MFN1: variants seen among roughly 807,000 people sequenced by gnomAD.
MFN1 encodes the protein mitofusin-1.
MFN1 carries 65 observed loss-of-function variants against 92.4 expected under a neutral mutation model. The observed-to-expected ratio is 0.70, with a 90% CI of 0.58 to 0.86. The LOEUF (loss-of-function observed/expected upper bound fraction) is 0.86. MFN1 is among the 40% of genes least tolerant of loss of function. The pLI is 0.00. For synonymous variants in MFN1, 297 were observed against 300.9 expected (o/e 0.99, Z 0.13); for missense variants, 781 against 868.0 (o/e 0.90, Z 1.26).
chr3:179,381,771 T>C (rs1713475664), intron 14 of MFN1, among the ~76,000 whole-genome samples: 2 of 152,244 alleles, frequency 1.3e-5, no homozygotes. Flanking sequence ...GCTATGCATA[T>C]AAGGTATATG....
chr3:179,391,103 G>A lies in MFN1; in HGVS notation c.2148-878G>A, dbSNP rs199851892. 4.0e-5 allele frequency among the ~76,000 whole-genome samples: 6 copies of A among 150,762 alleles called. No individual in the cohort carries two copies. In the East Asian group the frequency reaches 1.2e-3, roughly 29 times the overall value. The stretch of plus-strand genomic sequence containing the variant: ...CTCATCCCATATATACCTTTCAAAT[G>A]TGGTGAAACTGTGCAGTAGAAATTG... On this transcript the variant is annotated intron_variant, in intron 17 of 17. Coordinates refer to ENST00000471841, the MANE Select transcript of MFN1 (RefSeq NM_033540.3).
intron 9 of MFN1, among the ~76,000 whole-genome samples, 191 bp downstream of exon 9, chr3:179,368,294 A>G (rs1712885326): frequency 6.6e-6 from 1 of 152,170 alleles, no homozygotes. Context: ...AGAATTGAGA[A>G]TTAAAGATTG....
At chr3:179,376,925 T>C in intron 10 of MFN1, 117 bp from the exon 11 acceptor site, 1 of 819,478 alleles carries the variant, frequency 1.2e-6, no homozygotes, top group Non-Finnish European at 1.8e-6. Flanking sequence ...ATGTTACAAG[T>C]TTTTTTTTTC....
Position 179,390,212 on chromosome 3 carries a change from A to G in MFN1, c.2147+74A>G, listed in dbSNP as rs1713849548. On this transcript the variant is annotated intron_variant, in intron 17 of 17. Transcript: ENST00000471841. ...ACAAAATATGTAAAATTATTAATGA[A>G]TTTGTATTCATTCCTAATAGCTTTT... is the stretch of plus-strand genomic sequence containing the variant. 3 of 1,193,768 alleles carry G rather than the reference A, an allele frequency of 2.5e-6. No homozygotes were observed. The African/African-American group carries it at 4.8e-5, about 19-fold the overall frequency. 73.9% of individuals were successfully genotyped at this position (1,193,768 alleles called of 1,614,324 possible). A position where few individuals can be genotyped will look rare whatever the true frequency, so the allele number is the denominator to read the frequency against.
rs761253184 is a variant in MFN1, at chr3:179,364,406, G to C, written c.645+1G>C. 6.3e-7 allele frequency: 1 copy of C among 1,590,406 alleles called. No homozygotes were observed. Among genetic ancestry groups the C allele is most frequent in the Non-Finnish European group, 8.6e-7 (1 of 1,158,966 alleles). On this transcript the variant is annotated splice_donor_variant, in intron 6 of 17. Transcript: ENST00000471841. LOFTEE classifies it high-confidence loss of function. ...CTCTGAATCAACACTAATGAATACG[G>C]TAGGATTTAATCATATTATTGTGTT...
chr3:179,386,623 TA>T lies in MFN1; in HGVS notation c.2010del (p.Lys670AsnfsTer4). On this transcript the variant is annotated frameshift_variant, in exon 16 of 18. Transcript: ENST00000471841. LOFTEE classifies it high-confidence loss of function. ...ACGAGTGCAAACTGCAGTCACCAAG[TA>T]AAACAGTAAGTTGGAAGGTGCATCT... is the stretch of plus-strand genomic sequence containing the variant. ...SSTSANCSHQ[V>X]KQQIATTFAR... The T allele has an allele frequency of 1.2e-6, 2 of 1,606,006 alleles. No homozygotes were observed. Among genetic ancestry groups the T allele is most frequent in the Admixed American group, 1.7e-5 (1 of 57,576 alleles).
chr3:179,370,392 C>CTTTTGTTTT (rs1712974954), intron 9 of MFN1, among the ~76,000 whole-genome samples: 1 of 88,068 alleles, frequency 1.1e-5, no homozygotes, highest in Non-Finnish European at 2.1e-5. Flanking sequence ...TCACTAAGTT[C>CTTTTGTTTT]TTTTTTTTTT....
In MFN1 at chr3:179,390,026, C is replaced by T. The variant is rs371868949; in HGVS notation, c.2035C>T (p.Arg679Cys). Reference protein sequence around the residue: ...VKQQIATTFARLCQQVDITQK... With the variant: ...VKQQIATTFACLCQQVDITQK... Reference sequence around the variant, plus strand: ...AAGACAAATAGCTACCACTTTTGCTCGCCTGTGCCAACAAGTTGATATTAC... The same window carrying T: ...AAGACAAATAGCTACCACTTTTGCTTGCCTGTGCCAACAAGTTGATATTAC... Residue 679 changes from arginine to cysteine, a missense_variant, in exon 17 of 18, where the codon CGC (arginine) becomes TGC (cysteine). Physicochemically the swap from Arg to Cys is radical, Grantham distance 180. Transcript: ENST00000471841. 34 of 1,601,912 alleles carry T rather than the reference C, an allele frequency of 2.1e-5. No individual in the cohort carries two copies. The highest frequency in any genetic ancestry group is 2.0e-4 in the African/African-American group (15 of 74,404).
Position 179,362,379 on chromosome 3 carries a change from G to GT in MFN1, c.433_434insT (p.Ala145ValfsTer29), listed in dbSNP as rs1291191721. 1 of 1,611,704 alleles carries GT rather than the reference G, an allele frequency of 6.2e-7. No homozygotes were observed. Among genetic ancestry groups the GT allele is most frequent in the Non-Finnish European group, 8.5e-7 (1 of 1,179,478 alleles). Reference sequence around the variant, plus strand: ...TTAGACAGTTAATCAACTGGCCCATGCCCTTCACATGGACAAAGATTTGAA... The same window carrying GT: ...TTAGACAGTTAATCAACTGGCCCATGTCCCTTCACATGGACAAAGATTTGAA... On this transcript the variant is annotated frameshift_variant, in exon 5 of 18. Coordinates refer to ENST00000471841, the MANE Select transcript of MFN1 (RefSeq NM_033540.3). LOFTEE classifies it high-confidence loss of function.
intron 14 of MFN1, among the ~76,000 whole-genome samples, chr3:179,384,974 C>T (rs139420762): frequency 0.027 from 3,725 of 138,506 alleles, 178 homozygotes; most frequent in African/African-American, 0.095. Flanking sequence ...GGTGCAATCT[C>T]GGCTCACTGC....
intron 9 of MFN1, among the ~76,000 whole-genome samples, chr3:179,374,772 T>G (rs571232492): frequency 2.0e-5 from 3 of 152,210 alleles, no homozygotes; most frequent in Non-Finnish European, 4.4e-5. Context: ...CATTGTATCA[T>G]TCAGCTATTA....
intron 14 of MFN1, among the ~76,000 whole-genome samples, chr3:179,381,174 A>T (rs565641074): frequency 6.6e-6 from 1 of 152,372 alleles, no homozygotes; most frequent in East Asian, 1.9e-4. Context: ...TTATTGAAGC[A>T]CTAGAGCAGC....
In MFN1 at chr3:179,385,613, A is replaced by C; in HGVS notation, c.1707A>C (p.Pro569=). 1 of 1,613,046 alleles carries C rather than the reference A, an allele frequency of 6.2e-7. No individual in the cohort carries two copies. The highest frequency in any genetic ancestry group is 1.1e-5 in the South Asian group (1 of 91,028). ...CTACTCCCACTGCTCCTACCACTCC[A>C]GCAACGCCAGATAATGCATCACAGG... ...LASTPTAPTT[P]ATPDNASQEE... is the part of the protein sequence containing the mutation. The change falls in exon 15 of 18, where the codon CCA becomes CCC. Residue 569 remains proline (P), a synonymous_variant. Coordinates refer to ENST00000471841, the MANE Select transcript of MFN1 (RefSeq NM_033540.3).
Position 179,362,426 on chromosome 3 carries a change from GTT to G in MFN1, c.483_484del (p.Phe161LeufsTer12). The G allele has an allele frequency of 6.2e-7, 1 of 1,613,860 alleles. No individual in the cohort carries two copies. The highest frequency in any genetic ancestry group is 8.5e-7 in the Non-Finnish European group (1 of 1,179,956). ...TGAAAGCTGGCTGTCTTGTACGTGTGTTTTGGCCAAAAGCAAAATGTGCCCTC... is the reference window on the plus strand; with the variant it reads ...TGAAAGCTGGCTGTCTTGTACGTGTGTTGGCCAAAAGCAAAATGTGCCCTC... Reference protein sequence around the residue: ...DLKAGCLVRVFWPKAKCALLR... With the variant: ...DLKAGCLVRVXWPKAKCALLR... On this transcript the variant is annotated frameshift_variant, in exon 5 of 18. Transcript: ENST00000471841. LOFTEE classifies it high-confidence loss of function.
At chr3:179,366,216 C>T (rs941894069) in intron 7 of MFN1, among the ~76,000 whole-genome samples, 1 of 152,162 alleles carries the variant, frequency 6.6e-6, no homozygotes, top group African/African-American at 2.4e-5. Context: ...GTCAGTAATG[C>T]AGACGTCAGT....
intron 4 of MFN1, among the ~76,000 whole-genome samples, chr3:179,360,425 C>G (rs1422138900): frequency 6.6e-6 from 1 of 151,954 alleles, no homozygotes; most frequent in African/African-American, 2.4e-5. Context: ...TTTTTAGAAA[C>G]TGTCTTACCT....
chr3:179,367,949 TA>T, intron 8 of MFN1, 86 bp from the exon 9 acceptor site: 1 of 571,878 alleles, frequency 1.7e-6, no homozygotes, highest in Non-Finnish European at 2.4e-6. Flanking sequence ...TATATATATA[TA>T]TATTTAAAAT....
Position 179,367,512 on chromosome 3 carries a change from C to A in MFN1, c.827C>A (p.Ala276Glu), listed in dbSNP as rs762900722. The change falls in exon 8 of 18, where the codon GCA (alanine) becomes GAA (glutamate). Residue 276 changes from alanine to glutamate, a missense_variant. By Grantham distance (107) the Ala-to-Glu change is moderately radical. Coordinates refer to ENST00000471841, the MANE Select transcript of MFN1 (RefSeq NM_033540.3). ...EELKVVNALE[A>E]QNRIFFVSAK... ...CTCAAAGTTGTAAATGCTTTAGAAGCACAGAATCGTATCTTCTTTGTTTCA... is the reference window on the plus strand; with the variant it reads ...CTCAAAGTTGTAAATGCTTTAGAAGAACAGAATCGTATCTTCTTTGTTTCA... The A allele has an allele frequency of 6.2e-7, 1 of 1,613,718 alleles. No individual in the cohort carries two copies. The highest frequency in any genetic ancestry group is 1.7e-5 in the Admixed American group (1 of 59,970).
intron 9 of MFN1, among the ~76,000 whole-genome samples, chr3:179,369,806 T>C (rs1712951332): frequency 6.6e-6 from 1 of 152,184 alleles, no homozygotes; most frequent in African/African-American, 2.4e-5. Context: ...TCTTTTTAAA[T>C]GTTTTTAGAG....
Sources: allele counts gnomAD v4.1 joint callset (sites outside exome capture counted in the v4.1 genomes callset), GRCh38; gene constraint gnomAD v4.1.1; transcripts MANE v1.5; gene names NCBI Gene and HGNC (gene_info 2026-07-23, HGNC 2026-07-21).